Variants in GALNT18 observed in about 807,000 individuals in gnomAD.
GALNT18 encodes the protein polypeptide N-acetylgalactosaminyltransferase 18.
In GALNT18, 44 loss-of-function variants were observed where a neutral mutation model predicts 69.5. The ratio of observed to expected loss-of-function variants is 0.63; its 90% CI spans 0.50 to 0.81. The LOEUF (loss-of-function observed/expected upper bound fraction) is 0.81, where lower values mean the gene tolerates loss of function less well. GALNT18 is among the 40% of genes least tolerant of loss of function. The pLI is 0.00. For missense variants in GALNT18, 715 were observed against 810.0 expected (o/e 0.88, Z 1.42); for synonymous variants, 364 against 318.2 (o/e 1.14, Z -1.53).
At chr11:11,417,893 G>A (rs1209173324) in intron 3 of GALNT18, among the ~76,000 whole-genome samples, 2 of 152,210 alleles carry the variant, frequency 1.3e-5, no homozygotes, top group Non-Finnish European at 2.9e-5. Context: ...ATAATACTAA[G>A]ATGTATCTCC....
At chr11:11,477,436 T>C (rs11606228) in intron 1 of GALNT18, among the ~76,000 whole-genome samples, 21,704 of 152,220 alleles carry the variant, frequency 0.14, 1,870 homozygotes, top group East Asian at 0.34. Flanking sequence ...TCATCTTAAA[T>C]ATCTGCCTGG....
chr11:11,466,144 A>G (rs1023110780), intron 1 of GALNT18, among the ~76,000 whole-genome samples: 5 of 152,224 alleles, frequency 3.3e-5, no homozygotes, highest in Non-Finnish European at 7.3e-5. Context: ...ATTCTGTTTT[A>G]TTCTGTAATA....
chr11:11,543,493 A>T lies in GALNT18; in HGVS notation c.235+77866T>A, dbSNP rs1259953806. 6.6e-6 allele frequency among the ~76,000 whole-genome samples: 1 copy of T among 152,136 alleles called. No individual in the cohort carries two copies. Among genetic ancestry groups the T allele is most frequent in the African/African-American group, 2.4e-5 (1 of 41,434 alleles). On this transcript the variant is annotated intron_variant, in intron 1 of 10. Coordinates refer to ENST00000227756, the MANE Select transcript of GALNT18 (RefSeq NM_198516.3). This position sits in a 1 kb window ranked among gnomAD's most constrained non-coding sequence, Gnocchi z 5.1. ...CCTGTCCCCACCGTCCCCACCACCC[A>T]CCAAGAGCCTGGCTTCTGCACAGGA...
intron 3 of GALNT18, among the ~76,000 whole-genome samples, chr11:11,412,356 T>C (rs1336237033): frequency 6.6e-6 from 1 of 152,236 alleles, no homozygotes; most frequent in Non-Finnish European, 1.5e-5. Context: ...CCCCCAGACC[T>C]GGTTTGGACT....
At chr11:11,361,133 C>A (rs1232604701) in intron 6 of GALNT18, among the ~76,000 whole-genome samples, 1 of 152,204 alleles carries the variant, frequency 6.6e-6, no homozygotes, top group Non-Finnish European at 1.5e-5. Context: ...AATTTCCCAG[C>A]AGGGGGAAAG....
chr11:11,359,864 T>A (rs1177632629), intron 6 of GALNT18, among the ~76,000 whole-genome samples: 7 of 152,216 alleles, frequency 4.6e-5, no homozygotes, highest in African/African-American at 1.4e-4. Context: ...TCTTGAGTGG[T>A]CCTGGGTAAG....
rs1243770629 is a variant in GALNT18, at chr11:11,590,704, A to G, written c.235+30655T>C. Among the ~76,000 whole-genome samples the G allele has an allele frequency of 6.6e-6, 1 of 152,186 alleles. No homozygotes were observed. The highest frequency in any genetic ancestry group is 1.5e-5 in the Non-Finnish European group (1 of 68,032). On this transcript the variant is annotated intron_variant, in intron 1 of 10. Transcript: ENST00000227756. The surrounding 1 kb of genome is among the most constrained non-coding windows in gnomAD (Gnocchi z 4.4). ...GTTCGCTCAATGACAGAACACATAT[A>G]CAATGGTGGTCCCGTAAGATTACAA...
intron 1 of GALNT18, among the ~76,000 whole-genome samples, chr11:11,451,898 C>T (rs10831615): frequency 0.75 from 114,030 of 152,194 alleles, 43,459 homozygotes; most frequent in Non-Finnish European, 0.82. Flanking sequence ...CTTTTCTCTA[C>T]ACCAGGGGTG....
At chr11:11,291,288 T>C (rs1378650819) in intron 10 of GALNT18, among the ~76,000 whole-genome samples, 3 of 151,910 alleles carry the variant, frequency 2.0e-5, no homozygotes, top group Admixed American at 6.6e-5. Context: ...CGTGGCCACT[T>C]CCGACATAGC....
intron 1 of GALNT18, among the ~76,000 whole-genome samples, chr11:11,588,104 C>T (rs1396791726): frequency 6.6e-6 from 1 of 152,078 alleles, no homozygotes; most frequent in African/African-American, 2.4e-5. Context: ...ATGAAAACTT[C>T]CCCAAACCTA....
rs58795517 is a variant in GALNT18, at chr11:11,284,908, G to GTT, written c.1677+8119_1677+8120dup. On this transcript the variant is annotated intron_variant, in intron 10 of 10. Coordinates refer to ENST00000227756, the MANE Select transcript of GALNT18 (RefSeq NM_198516.3). ...CTGATTTACTAGTAAAGACTTTCGT[G>GTT]TTTTTTTTTTTTTTTTTTTTTTAAC... Among the ~76,000 whole-genome samples, 231 of 82,804 alleles carry GTT rather than the reference G, an allele frequency of 2.8e-3. 11 individuals carry two copies. Among genetic ancestry groups the GTT allele is most frequent in the African/African-American group, 7.7e-3 (128 of 16,522 alleles). 54.3% of individuals were successfully genotyped at this position (82,804 alleles called of 152,430 possible). A position where few individuals can be genotyped will look rare whatever the true frequency, so the allele number is the denominator to read the frequency against.
At chr11:11,291,307 T>G (rs1293382101) in intron 10 of GALNT18, among the ~76,000 whole-genome samples, 1 of 148,960 alleles carries the variant, frequency 6.7e-6, no homozygotes, top group African/African-American at 2.4e-5. Context: ...GCTTCAGTGA[T>G]GAGAAGTAAG....
At chr11:11,552,897 A>T (rs1311616088) in intron 1 of GALNT18, among the ~76,000 whole-genome samples, 1 of 151,856 alleles carries the variant, frequency 6.6e-6, no homozygotes, top group Non-Finnish European at 1.5e-5. Context: ...AGCCCCTGAC[A>T]CCCCACCCAC....
In GALNT18 at chr11:11,555,787, G is replaced by A. The variant is rs544270470; in HGVS notation, c.235+65572C>T. Reference sequence around the variant, plus strand: ...TCCTCAGGTAAGCCCATGACCAGGTGGAATAGCCTGGCTGGGGATGCATCT... The same window carrying A: ...TCCTCAGGTAAGCCCATGACCAGGTAGAATAGCCTGGCTGGGGATGCATCT... On this transcript the variant is annotated intron_variant, in intron 1 of 10. Coordinates refer to ENST00000227756, the MANE Select transcript of GALNT18 (RefSeq NM_198516.3). This position sits in a 1 kb window ranked among gnomAD's most constrained non-coding sequence, Gnocchi z 4.7. Among the ~76,000 whole-genome samples the A allele has an allele frequency of 2.6e-5, 4 of 152,146 alleles. No individual in the cohort carries two copies. The highest frequency in any genetic ancestry group is 1.9e-4 in the East Asian group (1 of 5,182).
chr11:11,565,413 A>T (rs1565016098), intron 1 of GALNT18, among the ~76,000 whole-genome samples: 2 of 152,230 alleles, frequency 1.3e-5, no homozygotes. Flanking sequence ...CTGTGGCTTC[A>T]GTAGTCCACC....
chr11:11,278,093 C>CA (rs1848986774), intron 10 of GALNT18, among the ~76,000 whole-genome samples: 1 of 151,472 alleles, frequency 6.6e-6, no homozygotes, highest in South Asian at 2.1e-4. Flanking sequence ...CTAGTATTGA[C>CA]AGTAGGGTGT....
intron 1 of GALNT18, among the ~76,000 whole-genome samples, chr11:11,456,840 A>G (rs1423245097): frequency 6.6e-6 from 1 of 152,212 alleles, no homozygotes; most frequent in African/African-American, 2.4e-5. Flanking sequence ...GGGAAATGCC[A>G]TAATGTGGTC....
At chr11:11,366,612 C>CAATCAATCAATTGATTGCTGTGAGCA (rs1554923119) in intron 6 of GALNT18, among the ~76,000 whole-genome samples, 2 of 152,058 alleles carry the variant, frequency 1.3e-5, no homozygotes, top group African/African-American at 4.8e-5. Flanking sequence ...TTGCTGTGAG[C>CAATCAATCAATTGATTGCTGTGAGCA]AATAAATAGG....
chr11:11,485,756 C>T (rs1856630949), intron 1 of GALNT18, among the ~76,000 whole-genome samples: 1 of 152,122 alleles, frequency 6.6e-6, no homozygotes, highest in Non-Finnish European at 1.5e-5. Context: ...AGGGGGCTTG[C>T]TTCTGACAAA....
Sources: gnomAD v4.1 joint callset for allele counts (sites outside exome capture counted in the v4.1 genomes callset) on GRCh38, gnomAD v4.1.1 for gene constraint, Gnocchi (gnomAD v3.1) non-coding constraint, MANE v1.5 for transcripts, NCBI Gene and HGNC (gene_info 2026-07-23, HGNC 2026-07-21) for gene names.